Variants in VPS13D observed in about 807,000 individuals in gnomAD.
VPS13D encodes the protein intermembrane lipid transfer protein VPS13D.
A neutral mutation model predicts 461.9 loss-of-function variants in VPS13D; 187 were observed. The ratio of observed to expected loss-of-function variants is 0.40; its 90% CI spans 0.36 to 0.46. VPS13D has a LOEUF of 0.46. Among genes scored for constraint, VPS13D ranks in the 20% least tolerant of loss-of-function variants. The probability of loss-of-function intolerance (pLI) is 0.60; values close to 1 mark genes in which losing one functional copy is unlikely to be tolerated. For synonymous variants in VPS13D, 1,951 were observed against 1,986.3 expected, an observed-to-expected ratio of 0.98 and a Z score of 0.47; for missense variants, 4,711 against 5,364.9, an observed-to-expected ratio of 0.88 and a Z score of 3.81.
At chr1:12,236,904 G>A (rs549338580) in intron 2 of VPS13D, among the ~76,000 whole-genome samples, 158 of 152,034 alleles carry the variant, frequency 1.0e-3, no homozygotes, top group African/African-American at 3.6e-3. Context: ...ATCTCGTAAG[G>A]TTCTGAGGAC....
intron 65 of VPS13D, among the ~76,000 whole-genome samples, chr1:12,432,321 G>A (rs1450320700): frequency 6.6e-6 from 1 of 151,822 alleles, no homozygotes; most frequent in Non-Finnish European, 1.5e-5. Flanking sequence ...TGAACCTGGG[G>A]AGGCGGAGGT....
chr1:12,311,801 T>A lies in VPS13D; in HGVS notation c.6823-12T>A, dbSNP rs199660244. The A allele has an allele frequency of 6.2e-7, 1 of 1,609,686 alleles. No individual in the cohort carries two copies. On this transcript the variant is annotated splice_polypyrimidine_tract_variant and intron_variant, in intron 28 of 69. Coordinates refer to ENST00000620676, the MANE Select transcript of VPS13D (RefSeq NM_015378.4). ...CATCAGCTGTGGATTGACGAGCATT[T>A]TCCTTTTGTAGACTGTCCTGAGTGG...
At position 12,415,716 on chromosome 1, in the gene VPS13D, G is replaced by A. The variant is rs183470904; in HGVS notation, c.12165+495G>A. On this transcript the variant is annotated intron_variant, in intron 64 of 69. Transcript: ENST00000620676. The stretch of plus-strand genomic sequence containing the variant: ...TTCAATGAATAGATAGGTCAAGATC[G>A]TATCAAATTTAATAGCTTTCAAAGT... 9.2e-5 allele frequency among the ~76,000 whole-genome samples: 14 copies of A among 152,264 alleles called. 1 individual carries two copies. The South Asian group carries it at 2.1e-3, about 23-fold the overall frequency.
rs777476559 is a variant in VPS13D, at chr1:12,329,884, C to T, written c.8253C>T (p.Thr2751=). 2 of 1,613,898 alleles carry T rather than the reference C, an allele frequency of 1.2e-6. No homozygotes were observed. Among genetic ancestry groups the T allele is most frequent in the Admixed American group, 1.7e-5 (1 of 60,008 alleles). Residue 2751 remains threonine (T), a synonymous_variant, in exon 37 of 70, where the codon ACC becomes ACT. Coordinates refer to ENST00000620676, the MANE Select transcript of VPS13D (RefSeq NM_015378.4). Reference sequence around the variant, plus strand: ...GCCCTGAAGGCTATGCCCACTTCACCCTTTCTGGAGATTATTATAACCGTG... The same window carrying T: ...GCCCTGAAGGCTATGCCCACTTCACTCTTTCTGGAGATTATTATAACCGTG... ...RTSPEGYAHF[T]LSGDYYNRAL...
chr1:12,260,150 T>C (rs1050495041), intron 10 of VPS13D, among the ~76,000 whole-genome samples: 7 of 150,340 alleles, frequency 4.7e-5, no homozygotes, highest in Admixed American at 6.7e-5. Flanking sequence ...CTCAGCCTCC[T>C]GAGTAGCTGG....
chr1:12,326,320 G>GT (rs1373395284), intron 35 of VPS13D, among the ~76,000 whole-genome samples: 14 of 116,698 alleles, frequency 1.2e-4, no homozygotes, highest in African/African-American at 3.1e-4. Flanking sequence ...GAACCTTTTG[G>GT]ATTTTTTTTT....
At position 12,349,303 on chromosome 1, in the gene VPS13D, G is replaced by T; in HGVS notation, c.9360G>T (p.Val3120=). 1 of 1,614,154 alleles carries T rather than the reference G, an allele frequency of 6.2e-7. No homozygotes were observed. ...CKAPIHWTNV[V]KTAEISSSKR... ...CTCCCATTCATTGGACCAATGTAGT[G>T]AAGACTGCAGAAATTAGTAGCAGTA... The change falls in exon 46 of 70, where the codon GTG becomes GTT. Residue 3120 remains valine, a synonymous_variant. Coordinates refer to ENST00000620676, the MANE Select transcript of VPS13D (RefSeq NM_015378.4).
Position 12,374,570 on chromosome 1 carries a change from T to A in VPS13D, c.10917+712T>A, listed in dbSNP as rs190063820. Among the ~76,000 whole-genome samples the A allele has an allele frequency of 1.3e-3, 195 of 152,322 alleles. 2 individuals are homozygous for A. The highest frequency in any genetic ancestry group is 9.3e-3 in the South Asian group (45 of 4,824). Reference sequence around the variant, plus strand: ...GAAGTGAGGCTACTCTTTTTCTTTTTATAATCAGTCAAGATTTTGTGGCGT... The same window carrying A: ...GAAGTGAGGCTACTCTTTTTCTTTTAATAATCAGTCAAGATTTTGTGGCGT... On this transcript the variant is annotated intron_variant, in intron 55 of 69. Coordinates refer to ENST00000620676, the MANE Select transcript of VPS13D (RefSeq NM_015378.4).
At chr1:12,447,622 A>G (rs1645209602) in intron 65 of VPS13D, among the ~76,000 whole-genome samples, 1 of 152,206 alleles carries the variant, frequency 6.6e-6, no homozygotes, top group African/African-American at 2.4e-5. Flanking sequence ...AACTTATTCC[A>G]AACCCTTGAA....
chr1:12,328,831 G>A (rs991029544), intron 36 of VPS13D, among the ~76,000 whole-genome samples: 3 of 152,090 alleles, frequency 2.0e-5, no homozygotes, highest in South Asian at 2.1e-4. Flanking sequence ...GAGCCACCGC[G>A]CCTGGCGAGG....
chr1:12,323,635 T>A, intron 34 of VPS13D, 71 bp from the exon 35 acceptor site: 1 of 1,465,952 alleles, frequency 6.8e-7, no homozygotes, highest in East Asian at 2.4e-5. Flanking sequence ...CTTTTCTTTT[T>A]TTCTAAAATT....
intron 65 of VPS13D, among the ~76,000 whole-genome samples, chr1:12,424,500 T>C (rs575059353): frequency 2.6e-4 from 39 of 152,308 alleles, no homozygotes; most frequent in African/African-American, 8.9e-4. Context: ...TCATGAGAAC[T>C]GCAAGTGACC....
At chr1:12,270,932 G>A in intron 16 of VPS13D, 62 bp from the exon 17 acceptor site, 3 of 1,587,786 alleles carry the variant, frequency 1.9e-6, no homozygotes, top group Non-Finnish European at 2.6e-6. Flanking sequence ...AATTGATGTA[G>A]CACTTTTGTT....
Position 12,283,513 on chromosome 1 carries a change from A to G in VPS13D, c.5411A>G (p.Asn1804Ser), listed in dbSNP as rs778249364. The change falls in exon 21 of 70, where the codon AAT becomes AGT. Residue 1804 changes from asparagine to serine, a missense_variant. By Grantham distance (46) the Asn-to-Ser change is conservative. Transcript: ENST00000620676. ...CATCCAGAATTCTCTTCCAGTTACA[A>G]TCGAGTTAACCGGAGCATTGATGTT... ...KKHPEFSSSY[N>S]RVNRSIDVDF... 2.5e-6 allele frequency: 4 copies of G among 1,614,090 alleles called. No homozygotes were observed. The African/African-American group carries it at 4.0e-5, about 16-fold the overall frequency.
chr1:12,488,560 T>G (rs1180892380), intron 67 of VPS13D, among the ~76,000 whole-genome samples: 1 of 151,490 alleles, frequency 6.6e-6, no homozygotes, highest in East Asian at 1.9e-4. Context: ...AAGAAAAAGA[T>G]TATATAATCA....
chr1:12,446,910 A>G (rs939885370), intron 65 of VPS13D, among the ~76,000 whole-genome samples: 1 of 152,158 alleles, frequency 6.6e-6, no homozygotes, highest in African/African-American at 2.4e-5. Context: ...CATAACGGAC[A>G]TGTACCAAGC....
rs538809152 is a variant in VPS13D at position 12,495,590 on chromosome 1, C to T, written c.12663-1910C>T. Among the ~76,000 whole-genome samples, 6 of 152,186 alleles carry T rather than the reference C, an allele frequency of 3.9e-5. No homozygotes were observed. The South Asian group carries it at 1.2e-3, about 32-fold the overall frequency. On this transcript the variant is annotated intron_variant, in intron 67 of 69. Transcript: ENST00000620676. This position sits in a 1 kb window ranked among gnomAD's most constrained non-coding sequence, Gnocchi z 4.0. ...CCAGGGATCCTTTGTTAGTTATGAT[C>T]GAGATGGAGAAATAGTCAGATTTGG...
Position 12,495,669 on chromosome 1 carries a change from T to A in VPS13D, c.12663-1831T>A, listed in dbSNP as rs140153312. On this transcript the variant is annotated intron_variant, in intron 67 of 69. Coordinates refer to ENST00000620676, the MANE Select transcript of VPS13D (RefSeq NM_015378.4). The surrounding 1 kb of genome is among the most constrained non-coding windows in gnomAD (Gnocchi z 4.0). ...CTCCCAGTTGATTGGGGAAGATATG[T>A]TGAGACGAGTCTGAATCAAACCTTA... Among the ~76,000 whole-genome samples the A allele has an allele frequency of 3.4e-3, 522 of 152,334 alleles. 3 individuals are homozygous for A. Among genetic ancestry groups the A allele is most frequent in the Non-Finnish European group, 5.9e-3 (399 of 68,024 alleles).
chr1:12,333,893 G>C (rs753048561), intron 38 of VPS13D, among the ~76,000 whole-genome samples: 3 of 152,178 alleles, frequency 2.0e-5, no homozygotes, highest in African/African-American at 4.8e-5. Context: ...TCAATGTCAT[G>C]AATAAAAACT....
Sources: gnomAD v4.1 joint callset for allele counts (sites outside exome capture counted in the v4.1 genomes callset) on GRCh38, gnomAD v4.1.1 for gene constraint, Gnocchi (gnomAD v3.1) non-coding constraint, MANE v1.5 for transcripts, NCBI Gene and HGNC (gene_info 2026-07-23, HGNC 2026-07-21) for gene names.